Variants in CERKL observed in about 807,000 individuals in gnomAD.
The protein encoded by CERKL is ceramide kinase-like protein.
A neutral mutation model predicts 63.4 loss-of-function variants in CERKL; 61 were observed. The observed-to-expected ratio is 0.96, with a 90% confidence interval of 0.78 to 1.19. The LOEUF (loss-of-function observed/expected upper bound fraction) is 1.19, where lower values mean the gene tolerates loss of function less well. Ranked by LOEUF, CERKL falls within the 50% of genes most tolerant of loss-of-function variation. CERKL has a pLI of 0.00. For missense variants in CERKL, 675 were observed against 655.5 expected, an observed-to-expected ratio of 1.03 and a Z score of -0.33; for synonymous variants, 250 against 230.5, an observed-to-expected ratio of 1.08 and a Z score of -0.77.
At chr2:181,591,974 C>T (rs958603029) in intron 2 of CERKL, among the ~76,000 whole-genome samples, 7 of 151,942 alleles carry the variant, frequency 4.6e-5, no homozygotes, top group Middle Eastern at 3.2e-3. Context: ...TCTGTTGTGC[C>T]GAAAAGTGAG....
chr2:181,540,445 T>G (rs766553256), intron 11 of CERKL, among the ~76,000 whole-genome samples: 5 of 152,170 alleles, frequency 3.3e-5, no homozygotes, highest in Non-Finnish European at 7.4e-5. Flanking sequence ...GAATGTCCCC[T>G]GTTTAGAAAT....
intron 1 of CERKL, among the ~76,000 whole-genome samples, chr2:181,632,184 T>C (rs1047174383): frequency 6.6e-6 from 1 of 152,238 alleles, no homozygotes; most frequent in African/African-American, 2.4e-5. Context: ...TGAGAAGTAT[T>C]ATTAAATTTC....
chr2:181,575,507 G>A (rs1689095414), intron 2 of CERKL, among the ~76,000 whole-genome samples: 1 of 152,198 alleles, frequency 6.6e-6, no homozygotes, highest in Admixed American at 6.5e-5. Context: ...GTACAACAGA[G>A]TGTGTGAGAG....
intron 11 of CERKL, among the ~76,000 whole-genome samples, chr2:181,542,683 C>A (rs911065849): frequency 6.6e-6 from 1 of 150,974 alleles, no homozygotes; most frequent in African/African-American, 2.4e-5. Flanking sequence ...ATAAATAAAT[C>A]AGAGTTAAGG....
At chr2:181,547,126 C>A (rs1687761843) in intron 10 of CERKL, among the ~76,000 whole-genome samples, 1 of 152,004 alleles carries the variant, frequency 6.6e-6, no homozygotes, top group African/African-American at 2.4e-5. Context: ...GCCTCCCCAG[C>A]AACGTGGAAC....
In CERKL at chr2:181,589,937, C is replaced by T. The variant is rs147905589; in HGVS notation, c.481+13900G>A. Among the ~76,000 whole-genome samples, 1,264 of 152,002 alleles carry T rather than the reference C, an allele frequency of 8.3e-3. 16 individuals are homozygous for T. The highest frequency in any genetic ancestry group is 0.026 in the African/African-American group (1,062 of 41,462). On this transcript the variant is annotated intron_variant, in intron 2 of 12. Transcript: ENST00000410087. ...CCTCCCCAGGCTCATGTGACCAGCCCGAGTAACTGGGACTACTGGTGCATG... is the reference window on the plus strand; with the variant it reads ...CCTCCCCAGGCTCATGTGACCAGCCTGAGTAACTGGGACTACTGGTGCATG...
intron 4 of CERKL, among the ~76,000 whole-genome samples, chr2:181,564,022 C>T (rs951408644): frequency 6.6e-6 from 1 of 152,050 alleles, no homozygotes; most frequent in Non-Finnish European, 1.5e-5. Flanking sequence ...GAAACTGTTC[C>T]ACCTCAGATC....
intron 3 of CERKL, among the ~76,000 whole-genome samples, chr2:181,572,109 T>A (rs553811734): frequency 1.3e-5 from 2 of 152,032 alleles, no homozygotes; most frequent in East Asian, 3.9e-4. Context: ...ATACACACAC[T>A]CTCTCTCTCC....
At chr2:181,637,960 C>T (rs1687253145) in intron 1 of CERKL, among the ~76,000 whole-genome samples, 1 of 151,822 alleles carries the variant, frequency 6.6e-6, no homozygotes, top group African/African-American at 2.4e-5. Flanking sequence ...AGTAATTATA[C>T]TTTTGATTGG....
intron 1 of CERKL, among the ~76,000 whole-genome samples, chr2:181,628,529 C>T (rs1292675299): frequency 6.6e-6 from 1 of 152,076 alleles, no homozygotes; most frequent in South Asian, 2.1e-4. Flanking sequence ...CAGTAACCCC[C>T]AAAGATTAGT....
chr2:181,642,742 T>TA (rs1355538263), intron 1 of CERKL, among the ~76,000 whole-genome samples: 10 of 152,030 alleles, frequency 6.6e-5, no homozygotes, highest in Non-Finnish European at 1.5e-4. Context: ...TTTATTTTTT[T>TA]TAAAATCTTT....
At chr2:181,617,090 T>C (rs948115634) in intron 1 of CERKL, among the ~76,000 whole-genome samples, 8 of 152,204 alleles carry the variant, frequency 5.3e-5, no homozygotes, top group Admixed American at 3.3e-4. Context: ...GCACCAAATT[T>C]TACTAATAAT....
intron 1 of CERKL, among the ~76,000 whole-genome samples, chr2:181,620,886 C>T (rs1374882402): frequency 1.3e-5 from 2 of 152,116 alleles, no homozygotes; most frequent in African/African-American, 4.8e-5. Flanking sequence ...ATTTGTAAAA[C>T]TTTATTTATT....
rs200369970 is a variant in CERKL at position 181,549,699 on chromosome 2, T to C, written c.830A>G (p.Asn277Ser). 3.8e-5 allele frequency: 62 copies of C among 1,611,152 alleles called. No individual in the cohort carries two copies. In the Admixed American group the frequency reaches 9.8e-4, roughly 26 times the overall value. Residue 277 changes from asparagine (N) to serine (S), a missense_variant, in exon 6 of 13, where the codon AAT becomes AGT. Asn to Ser is a conservative substitution (Grantham distance 46). Coordinates refer to ENST00000410087, the MANE Select transcript of CERKL (RefSeq NM_201548.5). ...TCCATGAAGAGAATGTGCCAATACA[T>C]TGGTAGATCCTGCCAAAGCAATTTT... ...PLGLIPAGST[N>S]VLAHSLHGVP...
Position 181,537,584 on chromosome 2 carries a change from A to G in CERKL, c.*600T>C, listed in dbSNP as rs1433686360. The G allele has an allele frequency of 2.3e-6, 1 of 429,688 alleles. No individual in the cohort carries two copies. Among genetic ancestry groups the G allele is most frequent in the Non-Finnish European group, 4.6e-6 (1 of 217,394 alleles). The allele number at this position is 429,688 out of a possible 1,614,324, so 26.6% of individuals were successfully genotyped here. A position where few individuals can be genotyped will look rare whatever the true frequency, so the allele number is the denominator to read the frequency against. On this transcript the variant is annotated 3_prime_UTR_variant, in exon 13 of 13. Coordinates refer to ENST00000410087, the MANE Select transcript of CERKL (RefSeq NM_201548.5). ...ATCAAGGCAGACTTATGAAATCTGT[A>G]TTATATTTGTAACAGAATATAGGAA...
intron 4 of CERKL, among the ~76,000 whole-genome samples, chr2:181,563,869 C>T (rs912713392): frequency 1.3e-5 from 2 of 152,196 alleles, no homozygotes; most frequent in Middle Eastern, 3.4e-3. Context: ...ACCATATCAG[C>T]TTCTACTGGG....
chr2:181,630,219 C>A (rs1359529722), intron 1 of CERKL, among the ~76,000 whole-genome samples: 1 of 151,938 alleles, frequency 6.6e-6, no homozygotes, highest in Non-Finnish European at 1.5e-5. Flanking sequence ...CCCACTCCCC[C>A]TGCCCCCCCA....
intron 2 of CERKL, among the ~76,000 whole-genome samples, chr2:181,579,200 G>T (rs1248881944): frequency 6.6e-6 from 1 of 151,824 alleles, no homozygotes; most frequent in Non-Finnish European, 1.5e-5. Flanking sequence ...AAAGCACCTG[G>T]CACAAAGTAT....
At position 181,656,757 on chromosome 2, in the gene CERKL, C is replaced by T; in HGVS notation, c.238+12G>A. 5 of 1,583,780 alleles carry T rather than the reference C, an allele frequency of 3.2e-6. No individual in the cohort carries two copies. The highest frequency in any genetic ancestry group is 4.3e-6 in the Non-Finnish European group (5 of 1,165,526). Reference sequence around the variant, plus strand: ...CGGAGGGAGGCGAAGACGCTTGGGGCCGGGCACTCACCCGCCGGGCGCTCG... The same window carrying T: ...CGGAGGGAGGCGAAGACGCTTGGGGTCGGGCACTCACCCGCCGGGCGCTCG... On this transcript the variant is annotated intron_variant, in intron 1 of 12. Transcript: ENST00000410087.
Sources: gnomAD v4.1 joint callset for allele counts (sites outside exome capture counted in the v4.1 genomes callset) on GRCh38, gnomAD v4.1.1 for gene constraint, MANE v1.5 for transcripts, NCBI Gene and HGNC (gene_info 2026-07-23, HGNC 2026-07-21) for gene names.